Variants in RALGPS2 observed in about 807,000 individuals in gnomAD.
RALGPS2 encodes the protein Ral GEF with PH domain and SH3 binding motif 2.
Under a neutral mutation model 86.8 loss-of-function variants are expected in RALGPS2, and 43 were observed. The observed-to-expected ratio is 0.50, with a 90% confidence interval of 0.39 to 0.64. The LOEUF is 0.64. Ranked by LOEUF, RALGPS2 falls within the 30% of genes least tolerant of loss-of-function variation. RALGPS2 has a pLI of 0.00. For missense variants in RALGPS2, 536 were observed against 694.6 expected (o/e 0.77, Z 2.57); for synonymous variants, 243 against 231.3 (o/e 1.05, Z -0.46).
At chr1:178,852,978 G>A (rs760883969) in intron 8 of RALGPS2, 2 of 1,587,952 alleles carry the variant, frequency 1.3e-6, no homozygotes, top group Non-Finnish European at 1.7e-6. Flanking sequence ...AGAAACATGA[G>A]TGCATAAATA....
At chr1:178,831,352 T>C (rs577871210) in intron 7 of RALGPS2, among the ~76,000 whole-genome samples, 3 of 152,328 alleles carry the variant, frequency 2.0e-5, no homozygotes, top group South Asian at 2.1e-4. Context: ...TTCACACATA[T>C]TGTGTGAAGA....
intron 8 of RALGPS2, among the ~76,000 whole-genome samples, chr1:178,835,766 A>G (rs1452433346): frequency 6.6e-6 from 1 of 152,216 alleles, no homozygotes; most frequent in Admixed American, 6.5e-5. Flanking sequence ...GACCTGGCTC[A>G]TAGTCCTAAG....
At chr1:178,817,000 AC>A (rs1655261662) in intron 6 of RALGPS2, among the ~76,000 whole-genome samples, 1 of 151,798 alleles carries the variant, frequency 6.6e-6, no homozygotes, top group Non-Finnish European at 1.5e-5. Flanking sequence ...GAGCCACCGC[AC>A]CCAGCCAAAT....
intron 4 of RALGPS2, among the ~76,000 whole-genome samples, chr1:178,789,203 G>A (rs1028283952): frequency 1.3e-5 from 2 of 152,156 alleles, no homozygotes; most frequent in South Asian, 2.1e-4. Flanking sequence ...CACTGTGCCC[G>A]GCCTTAAGCA....
chr1:178,879,168 C>A, intron 10 of RALGPS2, 176 bp downstream of exon 10: 1 of 814,532 alleles, frequency 1.2e-6, no homozygotes, highest in Non-Finnish European at 1.7e-6. Context: ...ATGATTGAGC[C>A]AATATACAAA....
chr1:178,889,502 A>G (rs1659630079), intron 13 of RALGPS2, 140 bp from the exon 14 acceptor site: 5 of 620,924 alleles, frequency 8.1e-6, no homozygotes, highest in Non-Finnish European at 1.4e-5. Context: ...ATTAGAATAA[A>G]GAATTAATAT....
intron 4 of RALGPS2, among the ~76,000 whole-genome samples, chr1:178,800,241 G>A (rs947365021): frequency 2.6e-5 from 4 of 152,136 alleles, no homozygotes; most frequent in African/African-American, 4.8e-5. Context: ...AACATGGACC[G>A]TTCTATGATA....
At chr1:178,867,679 G>A (rs1205587424) in intron 8 of RALGPS2, among the ~76,000 whole-genome samples, 1 of 151,862 alleles carries the variant, frequency 6.6e-6, no homozygotes, top group Non-Finnish European at 1.5e-5. Context: ...AGTATTTATG[G>A]ATAATTTTTG....
chr1:178,822,763 T>C (rs1411403144), intron 7 of RALGPS2, among the ~76,000 whole-genome samples: 1 of 152,136 alleles, frequency 6.6e-6, no homozygotes, highest in Non-Finnish European at 1.5e-5. Context: ...CATGGAGGAA[T>C]GGAAATGATT....
intron 7 of RALGPS2, among the ~76,000 whole-genome samples, chr1:178,829,093 A>G (rs1655894417): frequency 6.6e-6 from 1 of 152,250 alleles, no homozygotes; most frequent in Admixed American, 6.5e-5. Context: ...TCAGCCTTAC[A>G]TTTACAACAG....
At chr1:178,912,947 TTGGTTTG>T (rs1433903952) in intron 19 of RALGPS2, among the ~76,000 whole-genome samples, 2 of 152,188 alleles carry the variant, frequency 1.3e-5, no homozygotes, top group Non-Finnish European at 2.9e-5. Flanking sequence ...GATTCTTTCC[TTGGTTTG>T]GTCTATTCTG....
At chr1:178,880,906 T>C (rs1659218219) in intron 10 of RALGPS2, among the ~76,000 whole-genome samples, 4 of 152,220 alleles carry the variant, frequency 2.6e-5, no homozygotes, top group Non-Finnish European at 5.9e-5. Flanking sequence ...TCTGACATTC[T>C]GTAAATTGAC....
chr1:178,801,922 A>G (rs1193846772), intron 4 of RALGPS2, among the ~76,000 whole-genome samples: 1 of 152,150 alleles, frequency 6.6e-6, no homozygotes, highest in Non-Finnish European at 1.5e-5. Flanking sequence ...ATAATTAGAA[A>G]ACAAGAGAAA....
chr1:178,796,004 AT>A (rs1654171052), intron 4 of RALGPS2, among the ~76,000 whole-genome samples: 1 of 152,144 alleles, frequency 6.6e-6, no homozygotes, highest in Admixed American at 6.6e-5. Context: ...GAATAAACCA[AT>A]TGCTGTGTTA....
chr1:178,874,594 T>A (rs560346786), intron 8 of RALGPS2, among the ~76,000 whole-genome samples: 1 of 152,324 alleles, frequency 6.6e-6, no homozygotes, highest in Admixed American at 6.5e-5. Context: ...AGAATTCTTA[T>A]GAAACTCCTG....
chr1:178,854,194 C>A (rs1657375721), intron 8 of RALGPS2, among the ~76,000 whole-genome samples: 1 of 152,024 alleles, frequency 6.6e-6, no homozygotes, highest in African/African-American at 2.4e-5. Context: ...CACAAAGTGT[C>A]TTCATTCTTA....
At chr1:178,852,319 A>G (rs945519751) in intron 8 of RALGPS2, among the ~76,000 whole-genome samples, 1 of 152,132 alleles carries the variant, frequency 6.6e-6, no homozygotes, top group Non-Finnish European at 1.5e-5. Context: ...GTAAGCTCCA[A>G]AGGGCGGGAA....
chr1:178,897,540 G>A, intron 16 of RALGPS2, 124 bp from the exon 17 acceptor site: 1 of 734,320 alleles, frequency 1.4e-6, no homozygotes, highest in Non-Finnish European at 2.4e-6. Context: ...AAGTGATACA[G>A]CTCAACTCTG....
At chr1:178,892,090 G>C (rs1371989195) in intron 14 of RALGPS2, 140 bp from the exon 15 acceptor site, 1 of 810,352 alleles carries the variant, frequency 1.2e-6, no homozygotes, top group Non-Finnish European at 1.8e-6. Context: ...AAAAGAAAGA[G>C]GAACAATCAC....
Sources: gnomAD v4.1 joint callset for allele counts (sites outside exome capture counted in the v4.1 genomes callset) on GRCh38, gnomAD v4.1.1 for gene constraint, MANE v1.5 for transcripts, NCBI Gene and HGNC (gene_info 2026-07-23, HGNC 2026-07-21) for gene names.